Variants in GALNTL6 observed in about 807,000 individuals in gnomAD.
GALNTL6 encodes the protein polypeptide N-acetylgalactosaminyltransferase like 6, also known as polypeptide N-acetylgalactosaminyltransferase-like 6.
GALNTL6 carries 46 observed loss-of-function variants against 73.7 expected under a neutral mutation model. The observed-to-expected ratio is 0.62, with a 90% CI of 0.49 to 0.80. GALNTL6 has a LOEUF of 0.80. Among genes scored for constraint, GALNTL6 ranks in the 30% least tolerant of loss-of-function variants. GALNTL6 has a pLI of 0.00. For missense variants in GALNTL6, 604 were observed against 755.0 expected, an observed-to-expected ratio of 0.80 and a Z score of 2.34; for synonymous variants, 259 against 263.7, an observed-to-expected ratio of 0.98 and a Z score of 0.17.
chr4:172,734,354 A>G (rs1736326596), intron 5 of GALNTL6, among the ~76,000 whole-genome samples: 1 of 152,186 alleles, frequency 6.6e-6, no homozygotes, highest in Non-Finnish European at 1.5e-5. Context: ...TCACCAAGAC[A>G]ATGGGGAAAA....
intron 8 of GALNTL6, among the ~76,000 whole-genome samples, chr4:172,909,053 AT>A (rs1747059648): frequency 6.6e-6 from 1 of 151,922 alleles, no homozygotes; most frequent in African/African-American, 2.4e-5. Context: ...CAAAAGTTAA[AT>A]GGACCCAGAT....
chr4:171,908,935 A>G (rs1194834122), intron 2 of GALNTL6, among the ~76,000 whole-genome samples: 2 of 141,738 alleles, frequency 1.4e-5, no homozygotes, highest in Non-Finnish European at 3.0e-5. Flanking sequence ...ATAGGTGGGA[A>G]TTGAACAATG....
intron 2 of GALNTL6, among the ~76,000 whole-genome samples, chr4:172,160,473 G>A (rs1448559667): frequency 6.6e-6 from 1 of 152,064 alleles, no homozygotes; most frequent in African/African-American, 2.4e-5. Flanking sequence ...CCAACTGTGG[G>A]CCTTAGAAGA....
At chr4:172,042,328 CTAA>C (rs1386733746) in intron 2 of GALNTL6, among the ~76,000 whole-genome samples, 3 of 152,032 alleles carry the variant, frequency 2.0e-5, no homozygotes, top group African/African-American at 7.2e-5. Context: ...ATTGTTATGA[CTAA>C]TGAGATACTG....
intron 2 of GALNTL6, among the ~76,000 whole-genome samples, chr4:172,136,238 T>C (rs1323089543): frequency 6.6e-6 from 1 of 152,118 alleles, no homozygotes; most frequent in Admixed American, 6.5e-5. Context: ...TCTGAAACTA[T>C]TTGATATTTC....
intron 9 of GALNTL6, among the ~76,000 whole-genome samples, chr4:172,936,904 G>A (rs536181561): frequency 3.2e-4 from 48 of 152,262 alleles, no homozygotes; most frequent in African/African-American, 1.1e-3. Flanking sequence ...AATGGTAAAG[G>A]AGTAGAGCTG....
At chr4:172,623,032 TA>T (rs1560840821) in intron 5 of GALNTL6, among the ~76,000 whole-genome samples, 1 of 152,066 alleles carries the variant, frequency 6.6e-6, no homozygotes, top group Non-Finnish European at 1.5e-5. Flanking sequence ...GGGCTCCAAC[TA>T]AACCTAGGCT....
intron 2 of GALNTL6, among the ~76,000 whole-genome samples, chr4:172,171,773 C>T (rs932153713): frequency 1.3e-5 from 2 of 151,972 alleles, no homozygotes; most frequent in Non-Finnish European, 2.9e-5. Context: ...TGCAGTGAGC[C>T]GAGGTTACAC....
chr4:172,721,961 A>G (rs1579393440), intron 5 of GALNTL6, among the ~76,000 whole-genome samples: 1 of 150,364 alleles, frequency 6.7e-6, no homozygotes, highest in African/African-American at 2.4e-5. Context: ...AGTAACACAA[A>G]TATTGCAATG....
intron 2 of GALNTL6, among the ~76,000 whole-genome samples, chr4:171,854,978 G>GC (rs1735646307): frequency 6.6e-6 from 1 of 151,992 alleles, no homozygotes. Flanking sequence ...GCTTTATTCT[G>GC]CCCCCACCTC....
At chr4:172,234,465 A>G (rs910594574) in intron 3 of GALNTL6, among the ~76,000 whole-genome samples, 3 of 152,150 alleles carry the variant, frequency 2.0e-5, no homozygotes, top group African/African-American at 7.2e-5. Flanking sequence ...ACTTTAACAA[A>G]TACACTTATG....
intron 5 of GALNTL6, among the ~76,000 whole-genome samples, chr4:172,435,641 A>G (rs75312581): frequency 0.015 from 2,346 of 152,268 alleles, 60 homozygotes; most frequent in African/African-American, 0.053. Context: ...TTTTCCCCAG[A>G]AACTAAAATA....
intron 2 of GALNTL6, among the ~76,000 whole-genome samples, chr4:172,156,501 C>A (rs1324046966): frequency 7.1e-6 from 1 of 140,492 alleles, no homozygotes; most frequent in Non-Finnish European, 1.5e-5. Context: ...GCTTTTTCCA[C>A]CTAGGCAGAT....
chr4:172,748,285 C>T (rs1045062386), intron 5 of GALNTL6, among the ~76,000 whole-genome samples: 3 of 152,098 alleles, frequency 2.0e-5, no homozygotes, highest in Middle Eastern at 3.4e-3. Context: ...GCCATTCCAT[C>T]GCAGTACGCA....
At chr4:172,592,276 C>A (rs2111002079) in intron 5 of GALNTL6, among the ~76,000 whole-genome samples, 1 of 152,244 alleles carries the variant, frequency 6.6e-6, no homozygotes, top group African/African-American at 2.4e-5. Flanking sequence ...TTCAAGGGAA[C>A]TAATGTATTC....
At chr4:172,840,878 C>G (rs1024062736) in intron 7 of GALNTL6, among the ~76,000 whole-genome samples, 6 of 152,186 alleles carry the variant, frequency 3.9e-5, no homozygotes, top group African/African-American at 1.2e-4. Context: ...AACACTCTTG[C>G]TCAAGACATG....
intron 5 of GALNTL6, among the ~76,000 whole-genome samples, chr4:172,429,683 A>G (rs1313405507): frequency 1.3e-5 from 2 of 152,190 alleles, no homozygotes; most frequent in Non-Finnish European, 2.9e-5. Flanking sequence ...AATGTAACCT[A>G]TGCTAAGATG....
intron 7 of GALNTL6, among the ~76,000 whole-genome samples, chr4:172,846,468 T>C (rs953782932): frequency 2.6e-5 from 4 of 152,228 alleles, no homozygotes; most frequent in Admixed American, 6.5e-5. Context: ...TTTTGAATAC[T>C]TTCCAAGATA....
At position 171,858,248 on chromosome 4, in the gene GALNTL6, T is replaced by C. The variant is rs187766304; in HGVS notation, c.138+43530T>C. ...GATCATTTTAAGGTATAGACAGTTATCTTCACTGAAATAATAAAAACATAT... is the reference window on the plus strand; with the variant it reads ...GATCATTTTAAGGTATAGACAGTTACCTTCACTGAAATAATAAAAACATAT... On this transcript the variant is annotated intron_variant, in intron 2 of 12. Coordinates refer to ENST00000506823, the MANE Select transcript of GALNTL6 (RefSeq NM_001034845.3). Among the ~76,000 whole-genome samples, 291 of 152,252 alleles carry C rather than the reference T, an allele frequency of 1.9e-3. 2 individuals are homozygous for C. Among genetic ancestry groups the C allele is most frequent in the Admixed American group, 0.013 (205 of 15,282 alleles).
Sources: allele counts gnomAD v4.1 joint callset (sites outside exome capture counted in the v4.1 genomes callset), GRCh38; gene constraint gnomAD v4.1.1; transcripts MANE v1.5; gene names NCBI Gene and HGNC (gene_info 2026-07-23, HGNC 2026-07-21).